Variants in FRMPD4 observed in about 807,000 individuals in gnomAD.
The protein encoded by FRMPD4 is FERM and PDZ domain containing 4, also known as FERM and PDZ domain-containing protein 4.
A neutral mutation model predicts 94.1 loss-of-function variants in FRMPD4; 22 were observed. The ratio of observed to expected loss-of-function variants is 0.23; its 90% CI spans 0.17 to 0.33. The LOEUF (loss-of-function observed/expected upper bound fraction) is 0.33, where lower values mean the gene tolerates loss of function less well. FRMPD4 is among the 10% of genes least tolerant of loss of function. The probability of loss-of-function intolerance (pLI) is 1.00; values close to 1 mark genes in which losing one functional copy is unlikely to be tolerated. For synonymous variants in FRMPD4, 631 were observed against 548.6 expected (o/e 1.15, Z -2.10); for missense variants, 1,111 against 1,339.9 (o/e 0.83, Z 2.67).
chrX:12,596,140 T>C (rs1282122433), intron 2 of FRMPD4, among the ~76,000 whole-genome samples: 1 of 111,304 alleles, frequency 9.0e-6, no homozygotes, highest in Non-Finnish European at 1.9e-5. Context: ...CTGATTCATC[T>C]CTTGAGCTCT....
In FRMPD4 at chrX:11,843,647, T is replaced by C. The variant is rs978458334; in HGVS notation, c.-161+20932T>C. Among the ~76,000 whole-genome samples the C allele has an allele frequency of 2.7e-5, 3 of 111,161 alleles. No homozygotes were observed. The Admixed American group carries it at 2.9e-4, about 11-fold the overall frequency. ...AGTATAGTTCGCTGTAACCTTGACC[T>C]CCTGGGTTCCAGTGATCCTCCTGCC... On this transcript the variant is annotated intron_variant, in intron 1 of 18. Transcript: ENST00000640291.
At chrX:12,464,475 T>G (rs1224483027) in intron 1 of FRMPD4, among the ~76,000 whole-genome samples, 1 of 112,544 alleles carries the variant, frequency 8.9e-6, no homozygotes, top group African/African-American at 3.2e-5. Flanking sequence ...CTGGTTATAA[T>G]AGACATCTAT....
At chrX:12,023,729 C>G (rs2054644446) in intron 3 of FRMPD4, among the ~76,000 whole-genome samples, 1 of 111,457 alleles carries the variant, frequency 9.0e-6, no homozygotes, top group South Asian at 3.8e-4. Flanking sequence ...CATCCACCTC[C>G]AGGAACTCTG....
chrX:12,231,050 A>AATATATATATATATAT (rs34870506), intron 1 of FRMPD4, among the ~76,000 whole-genome samples: 1 of 30,554 alleles, frequency 3.3e-5, no homozygotes, highest in African/African-American at 1.1e-4. Context: ...ATATATATAA[A>AATATATATATATATAT]ATATATATAT....
At chrX:12,699,675 G>T (rs1243107860) in intron 9 of FRMPD4, among the ~76,000 whole-genome samples, 4 of 112,422 alleles carry the variant, frequency 3.6e-5, no homozygotes, top group Non-Finnish European at 7.5e-5. Flanking sequence ...TTGAGGCCAA[G>T]GGCCCACAGA....
chrX:12,160,652 T>C (rs2056010099), intron 1 of FRMPD4, among the ~76,000 whole-genome samples: 1 of 111,805 alleles, frequency 8.9e-6, no homozygotes, highest in South Asian at 3.7e-4. Context: ...GATTGCTCTG[T>C]TTTCCTAATA....
chrX:12,117,958 T>C (rs764258753), intron 3 of FRMPD4, among the ~76,000 whole-genome samples: 9 of 111,588 alleles, frequency 8.1e-5, no homozygotes, highest in Non-Finnish European at 1.5e-4. Context: ...TTTTGCTTGA[T>C]ACACTCTTTC....
At chrX:12,453,409 G>C (rs1374622091) in intron 1 of FRMPD4, among the ~76,000 whole-genome samples, 2 of 111,757 alleles carry the variant, frequency 1.8e-5, no homozygotes, top group Non-Finnish European at 3.8e-5. Context: ...CTTTTGAAGT[G>C]AATAATTTAC....
intron 1 of FRMPD4, among the ~76,000 whole-genome samples, chrX:11,840,057 G>T (rs6639090): frequency 0.14 from 15,383 of 110,648 alleles, 1,323 homozygotes; most frequent in African/African-American, 0.31. Flanking sequence ...ATATTTTAAC[G>T]CTGCATTTCC....
rs755356636 is a variant in FRMPD4 at position 12,410,123 on chromosome X, G to A, written c.42-88557G>A. 1.1e-3 allele frequency among the ~76,000 whole-genome samples: 122 copies of A among 111,018 alleles called. No individual in the cohort carries two copies. In the Middle Eastern group the frequency reaches 0.014, roughly 13 times the overall value. On this transcript the variant is annotated intron_variant, in intron 1 of 16. Transcript: ENST00000675598. ...ATCAGTCAGATTAATTGTTTTATCA[G>A]TTTCTGACACTTTATCATCACTGAT...
intron 3 of FRMPD4, among the ~76,000 whole-genome samples, chrX:11,911,228 G>C (rs775139259): frequency 2.4e-4 from 27 of 112,409 alleles, no homozygotes; most frequent in Non-Finnish European, 4.9e-4. Context: ...TTGAGCTGTC[G>C]TTTGTCAACT....
At position 12,298,092 on chromosome X, in the gene FRMPD4, A is replaced by C. The variant is rs1211271595; in HGVS notation, c.41+159080A>C. 2.7e-5 allele frequency among the ~76,000 whole-genome samples: 3 copies of C among 112,142 alleles called. No individual in the cohort carries two copies. The East Asian group carries it at 8.4e-4, about 31-fold the overall frequency. On this transcript the variant is annotated intron_variant, in intron 1 of 16. Coordinates refer to ENST00000675598, the MANE Select transcript of FRMPD4 (RefSeq NM_001368397.1). Reference sequence around the variant, plus strand: ...CTGTTAAAGGTAGGCCAGAGATTTGACTGTAAGATTTTCCCATGTTGATAA... The same window carrying C: ...CTGTTAAAGGTAGGCCAGAGATTTGCCTGTAAGATTTTCCCATGTTGATAA...
intron 1 of FRMPD4, among the ~76,000 whole-genome samples, chrX:12,266,132 CAAAAAAAAAAAAA>C (rs3990340): frequency 3.2e-3 from 83 of 25,755 alleles, no homozygotes; most frequent in Non-Finnish European, 6.1e-3. Flanking sequence ...GACTCCGTCT[CAAAAAAAAAAAAA>C]AAAAAAAAAA....
At chrX:12,552,255 G>A (rs145611525) in intron 2 of FRMPD4, among the ~76,000 whole-genome samples, 1,603 of 111,487 alleles carry the variant, frequency 0.014, 25 homozygotes, top group African/African-American at 0.05. Flanking sequence ...GTTCTTCAAG[G>A]TCTTTTTAGT....
At chrX:12,171,592 C>T (rs189712877) in intron 1 of FRMPD4, among the ~76,000 whole-genome samples, 2 of 111,210 alleles carry the variant, frequency 1.8e-5, no homozygotes, top group East Asian at 5.7e-4. Context: ...AGATAAAAGC[C>T]AGAGTTGTAG....
At chrX:11,899,340 C>T (rs1467535524) in intron 3 of FRMPD4, among the ~76,000 whole-genome samples, 1 of 108,475 alleles carries the variant, frequency 9.2e-6, no homozygotes, top group Non-Finnish European at 1.9e-5. Context: ...TGACATCAAT[C>T]CTAATCTTAT....
intron 3 of FRMPD4, among the ~76,000 whole-genome samples, chrX:12,085,664 G>C (rs1157762319): frequency 8.9e-6 from 1 of 111,776 alleles, no homozygotes; most frequent in Non-Finnish European, 1.9e-5. Flanking sequence ...TTGAGCCCAG[G>C]AGCTCAAGAC....
At chrX:12,130,116 G>GAT (rs1264210119) in intron 3 of FRMPD4, among the ~76,000 whole-genome samples, 1 of 109,383 alleles carries the variant, frequency 9.1e-6, no homozygotes, top group African/African-American at 3.3e-5. Context: ...GAGAGAGAGA[G>GAT]AGAGAGAGAG....
intron 1 of FRMPD4, among the ~76,000 whole-genome samples, chrX:12,239,264 A>G (rs1453576352): frequency 1.8e-5 from 2 of 112,245 alleles, no homozygotes; most frequent in Non-Finnish European, 3.8e-5. Context: ...AAAACAAGAG[A>G]AGAATAAAGA....
Sources: allele counts gnomAD v4.1 joint callset (sites outside exome capture counted in the v4.1 genomes callset), GRCh38; gene constraint gnomAD v4.1.1; transcripts MANE v1.5; gene names NCBI Gene and HGNC (gene_info 2026-07-23, HGNC 2026-07-21).